DDAH1: variants seen among roughly 807,000 people sequenced by gnomAD.
DDAH1 encodes the protein N(G),N(G)-dimethylarginine dimethylaminohydrolase 1.
A neutral mutation model predicts 28.8 loss-of-function variants in DDAH1; 19 were observed. That is an observed-to-expected ratio of 0.66 (90% confidence interval 0.46 to 0.97). The LOEUF is 0.97. DDAH1 is among the 50% of genes least tolerant of loss of function. The pLI, the probability that DDAH1 is intolerant of heterozygous loss-of-function variation, is 0.00. For missense variants in DDAH1, 326 were observed against 375.9 expected (o/e 0.87, Z 1.10); for synonymous variants, 153 against 154.4 (o/e 0.99, Z 0.07).
chr1:85,536,167 G>A (rs1290933833), intron 1 of DDAH1, among the ~76,000 whole-genome samples: 16 of 151,998 alleles, frequency 1.1e-4, no homozygotes, highest in Admixed American at 2.6e-4. Context: ...AACCCAGGAG[G>A]CAGAGGTTGC....
intron 1 of DDAH1, among the ~76,000 whole-genome samples, chr1:85,430,067 A>G (rs1653601167): frequency 6.6e-6 from 1 of 152,110 alleles, no homozygotes; most frequent in African/African-American, 2.4e-5. Context: ...ATCTATCTTA[A>G]TTTTTGTATA....
intron 2 of DDAH1, among the ~76,000 whole-genome samples, chr1:85,357,688 T>C (rs894749660): frequency 2.6e-5 from 4 of 152,188 alleles, no homozygotes; most frequent in East Asian, 1.9e-4. Flanking sequence ...CAGGGCTACA[T>C]TGGTGAAATG....
At chr1:85,413,942 C>T (rs934988439) in intron 1 of DDAH1, among the ~76,000 whole-genome samples, 2 of 152,214 alleles carry the variant, frequency 1.3e-5, no homozygotes, top group Non-Finnish European at 2.9e-5. Flanking sequence ...TAATTCTCTA[C>T]AGATTTTAGA....
intron 2 of DDAH1, among the ~76,000 whole-genome samples, chr1:85,482,027 C>T (rs1057376186): frequency 3.9e-5 from 6 of 152,198 alleles, no homozygotes; most frequent in African/African-American, 1.4e-4. Context: ...CTAGGAGACA[C>T]AATAATCCTG....
chr1:85,432,542 C>A (rs1293857302), intron 1 of DDAH1, among the ~76,000 whole-genome samples: 1 of 152,132 alleles, frequency 6.6e-6, no homozygotes, highest in Non-Finnish European at 1.5e-5. Flanking sequence ...TAGATTCCAT[C>A]GTGCCTGGAA....
chr1:85,466,685 G>T (rs978243224), upstream of DDAH1, among the ~76,000 whole-genome samples: 21 of 152,224 alleles, frequency 1.4e-4, no homozygotes, highest in Admixed American at 1.2e-3. Flanking sequence ...AGCCCCATTA[G>T]CCCCAGTTTA....
intron 1 of DDAH1, among the ~76,000 whole-genome samples, chr1:85,423,949 TG>T (rs1653269750): frequency 6.6e-6 from 1 of 152,188 alleles, no homozygotes; most frequent in African/African-American, 2.4e-5. Context: ...TTCTGTCAAA[TG>T]TTTTTTTCTC....
chr1:85,467,629 A>G (rs752396904), upstream of DDAH1: 9 of 152,258 alleles, frequency 5.9e-5, no homozygotes, highest in Non-Finnish European at 1.0e-4. Context: ...TGTATATATT[A>G]GTAAAAAAGA....
intron 4 of DDAH1, among the ~76,000 whole-genome samples, chr1:85,342,280 A>G (rs1432554753): frequency 6.6e-6 from 1 of 152,170 alleles, no homozygotes; most frequent in Non-Finnish European, 1.5e-5. Context: ...TTTAAAAAGT[A>G]AGGTATTCTC....
chr1:85,429,932 A>G (rs530300345), intron 1 of DDAH1, among the ~76,000 whole-genome samples: 58 of 152,250 alleles, frequency 3.8e-4, no homozygotes, highest in African/African-American at 1.3e-3. Context: ...TAGACTGCAA[A>G]AATTTTCTCC....
intron 1 of DDAH1, among the ~76,000 whole-genome samples, chr1:85,415,491 T>G (rs1432671891): frequency 1.3e-5 from 2 of 152,108 alleles, no homozygotes; most frequent in Admixed American, 6.6e-5. Context: ...AATTGCAGGG[T>G]TGCTCATAGT....
intron 2 of DDAH1, among the ~76,000 whole-genome samples, chr1:85,353,478 T>G (rs1232706757): frequency 6.6e-6 from 1 of 152,188 alleles, no homozygotes; most frequent in Admixed American, 6.5e-5. Context: ...TCCAAGGGCT[T>G]ATGTTGTTGG....
rs1655310079 is a variant in DDAH1 at position 85,465,063 on chromosome 1, G to T, written c.-18C>A. The T allele has an allele frequency of 5.7e-6, 7 of 1,232,424 alleles. No individual in the cohort carries two copies. The highest frequency in any genetic ancestry group is 1.6e-5 in the African/African-American group (1 of 63,834). The allele number at this position is 1,232,424 out of a possible 1,614,324, so 76.3% of individuals were successfully genotyped here. A position where few individuals can be genotyped will look rare whatever the true frequency, so the allele number is the denominator to read the frequency against. On this transcript the variant is annotated 5_prime_UTR_variant, in exon 1 of 6. Transcript: ENST00000284031. ...CCGGCCATGGCTTCGGGAGGCTTAG[G>T]GGCGGCGGCGGCGGCGGAGGCGGCC...
chr1:85,374,938 C>T (rs1650580119), intron 1 of DDAH1, among the ~76,000 whole-genome samples: 1 of 151,944 alleles, frequency 6.6e-6, no homozygotes, highest in South Asian at 2.1e-4. Context: ...TACTTCAAGA[C>T]CTAACCCAAA....
chr1:85,349,178 A>G (rs1479494029), intron 4 of DDAH1, among the ~76,000 whole-genome samples: 2 of 152,238 alleles, frequency 1.3e-5, no homozygotes, highest in Admixed American at 1.3e-4. Context: ...GACATTCTCT[A>G]AAGTAAACGA....
At chr1:85,415,781 G>A (rs1652862797) in intron 1 of DDAH1, among the ~76,000 whole-genome samples, 1 of 152,182 alleles carries the variant, frequency 6.6e-6, no homozygotes, top group African/African-American at 2.4e-5. Context: ...TGATTGAGGA[G>A]AGGTTCACAG....
chr1:85,327,022 T>C (rs1014569540), intron 4 of DDAH1, among the ~76,000 whole-genome samples: 3 of 152,254 alleles, frequency 2.0e-5, no homozygotes, highest in African/African-American at 7.2e-5. Context: ...TTGTTACGAA[T>C]TGCAATTTAG....
intron 2 of DDAH1, among the ~76,000 whole-genome samples, chr1:85,476,454 T>C (rs1655808466): frequency 6.6e-6 from 1 of 152,118 alleles, no homozygotes; most frequent in Admixed American, 6.5e-5. Context: ...CTCACGCACA[T>C]CTCTAGTGCC....
At chr1:85,538,673 T>C (rs1323521839) in intron 1 of DDAH1, among the ~76,000 whole-genome samples, 1 of 151,264 alleles carries the variant, frequency 6.6e-6, no homozygotes, top group African/African-American at 2.4e-5. Context: ...ACCGCAGAAA[T>C]GCAGGTCAAA....
Sources: gnomAD v4.1 joint callset for allele counts (sites outside exome capture counted in the v4.1 genomes callset) on GRCh38, gnomAD v4.1.1 for gene constraint, MANE v1.5 for transcripts, NCBI Gene and HGNC (gene_info 2026-07-23, HGNC 2026-07-21) for gene names.